DISP2: variants seen among roughly 807,000 people sequenced by gnomAD.
The protein encoded by DISP2 is dispatched RND transporter family member 2.
DISP2 carries 59 observed loss-of-function variants against 95.5 expected under a neutral mutation model. The observed-to-expected ratio is 0.62, with a 90% confidence interval of 0.50 to 0.77. The LOEUF is 0.77. Among genes scored for constraint, DISP2 ranks in the 30% least tolerant of loss-of-function variants. The pLI is 0.00. For missense variants in DISP2, 1,752 were observed against 1,854.6 expected (o/e 0.94, Z 1.02); for synonymous variants, 827 against 815.0 (o/e 1.01, Z -0.25).
Position 40,370,780 on chromosome 15 carries a change from C to G in DISP2, c.*462C>G, listed in dbSNP as rs1048393486. ...ACAGCCTCCTGGGTCTCACCCCTTTCATGGGCTCTTCATCAGGACACTTCC... is the reference window on the plus strand; with the variant it reads ...ACAGCCTCCTGGGTCTCACCCCTTTGATGGGCTCTTCATCAGGACACTTCC... On this transcript the variant is annotated 3_prime_UTR_variant, in exon 8 of 8. Transcript: ENST00000267889. The G allele has an allele frequency of 5.1e-6, 2 of 394,980 alleles. No homozygotes were observed. Among genetic ancestry groups the G allele is most frequent in the Non-Finnish European group, 1.0e-5 (2 of 196,026 alleles). The allele number at this position is 394,980 out of a possible 1,614,324, so 24.5% of individuals were successfully genotyped here. A position where few individuals can be genotyped will look rare whatever the true frequency, so the allele number is the denominator to read the frequency against.
chr15:40,370,331 G>A lies in DISP2; in HGVS notation c.*13G>A, dbSNP rs778360055. 1 of 1,519,686 alleles carries A rather than the reference G, an allele frequency of 6.6e-7. No individual in the cohort carries two copies. Among genetic ancestry groups the A allele is most frequent in the Admixed American group, 2.1e-5 (1 of 46,788 alleles). 94.1% of individuals were successfully genotyped at this position (1,519,686 alleles called of 1,614,324 possible). ...CTATAGCAGCTGAGGGGGACCCGGG[G>A]AGGCTGGACAGGGCGCGGAACCCTG... On this transcript the variant is annotated 3_prime_UTR_variant, in exon 8 of 8. Coordinates refer to ENST00000267889, the MANE Select transcript of DISP2 (RefSeq NM_033510.3).
Position 40,369,218 on chromosome 15 carries a change from T to C in DISP2, c.3106T>C (p.Tyr1036His). The C allele has an allele frequency of 6.2e-7, 1 of 1,613,940 alleles. No individual in the cohort carries two copies. The highest frequency in any genetic ancestry group is 8.5e-7 in the Non-Finnish European group (1 of 1,180,032). Residue 1036 changes from tyrosine (Y) to histidine (H), a missense_variant, in exon 8 of 8, where the codon TAC becomes CAC. This residue lies in a region of DISP2 where 317 missense variants were observed against 394.9 expected (regional missense o/e 0.80). Coordinates refer to ENST00000267889, the MANE Select transcript of DISP2 (RefSeq NM_033510.3). ...CCTCTCAGTAGACTTCACTGTCAACTACTGCATCTCCTATCACCTGTGCCC... is the reference window on the plus strand; with the variant it reads ...CCTCTCAGTAGACTTCACTGTCAACCACTGCATCTCCTATCACCTGTGCCC... ...VGLSVDFTVN[Y>H]CISYHLCPHP...
Position 40,367,801 on chromosome 15 carries a change from C to T in DISP2, c.1689C>T (p.Phe563=). Residue 563 remains phenylalanine (F), a synonymous_variant, in exon 8 of 8, where the codon TTC becomes TTT. Transcript: ENST00000267889. ...SVCANHTLIF[F]DLWRLSKSQL... is the part of the protein sequence containing the mutation. ...GCGCCAACCACACGCTCATCTTCTT[C>T]GACCTGTGGCGCCTTAGCAAGAGCC... 1 of 1,606,152 alleles carries T rather than the reference C, an allele frequency of 6.2e-7. No individual in the cohort carries two copies. The highest frequency in any genetic ancestry group is 1.1e-5 in the South Asian group (1 of 91,084).
intron 7 of DISP2, among the ~76,000 whole-genome samples, chr15:40,366,379 A>T (rs1322921314): frequency 6.6e-6 from 1 of 152,218 alleles, no homozygotes; most frequent in East Asian, 1.9e-4. Context: ...GTGACAGTTA[A>T]ATGAGATAGA....
rs763699203 is a variant in DISP2, at chr15:40,363,861, C to A, written c.356C>A (p.Ser119Tyr). Reference protein sequence around the residue: ...PGLGDRAALCSHGSSLSPSPA... With the variant: ...PGLGDRAALCYHGSSLSPSPA... Reference sequence around the variant, plus strand: ...CTTGGGGATCGGGCAGCTCTCTGCTCCCACGGCTCCAGCCTCAGCCCTTCT... The same window carrying A: ...CTTGGGGATCGGGCAGCTCTCTGCTACCACGGCTCCAGCCTCAGCCCTTCT... Residue 119 changes from serine to tyrosine, a missense_variant, in exon 2 of 8, where the codon TCC becomes TAC. Around this residue, in one of 5 missense-constraint regions of DISP2, gnomAD observed 342 missense variants for 364.3 expected, o/e 0.94. Coordinates refer to ENST00000267889, the MANE Select transcript of DISP2 (RefSeq NM_033510.3). 4 of 1,606,392 alleles carry A rather than the reference C, an allele frequency of 2.5e-6. No homozygotes were observed.
chr15:40,364,747 C>T (rs1242756758), intron 4 of DISP2, 91 bp from the exon 5 acceptor site: 2 of 1,431,626 alleles, frequency 1.4e-6, no homozygotes, highest in Non-Finnish European at 1.9e-6. Flanking sequence ...GCCTTCCCTG[C>T]TCTGAGGAGT....
Position 40,368,277 on chromosome 15 carries a change from G to C in DISP2, c.2165G>C (p.Gly722Ala). 6.2e-7 allele frequency: 1 copy of C among 1,608,362 alleles called. No individual in the cohort carries two copies. Among genetic ancestry groups the C allele is most frequent in the East Asian group, 2.2e-5 (1 of 44,770 alleles). The part of the protein sequence containing the change: ...ALAAGGAYIA[G>A]VSPRLRLPTL... Reference sequence around the variant, plus strand: ...GCGGCAGGGGGCGCCTACATCGCCGGAGTCAGCCCCCGCCTGCGGCTGCCC... The same window carrying C: ...GCGGCAGGGGGCGCCTACATCGCCGCAGTCAGCCCCCGCCTGCGGCTGCCC... Residue 722 changes from glycine (G) to alanine (A), a missense_variant, in exon 8 of 8, where the codon GGA becomes GCA. Gly to Ala is a moderately conservative substitution (Grantham distance 60). This residue lies in a region of DISP2 where 732 missense variants were observed against 714.6 expected (regional missense o/e 1.02). Transcript: ENST00000267889.
Position 40,370,480 on chromosome 15 carries a change from C to A in DISP2, c.*162C>A, listed in dbSNP as rs532767151. The A allele has an allele frequency of 7.4e-6, 9 of 1,216,072 alleles. No individual in the cohort carries two copies. Among genetic ancestry groups the A allele is most frequent in the Non-Finnish European group, 1.0e-5 (9 of 875,550 alleles). The allele number at this position is 1,216,072 out of a possible 1,614,324, so 75.3% of individuals were successfully genotyped here. On this transcript the variant is annotated 3_prime_UTR_variant, in exon 8 of 8. Coordinates refer to ENST00000267889, the MANE Select transcript of DISP2 (RefSeq NM_033510.3). The stretch of plus-strand genomic sequence containing the variant: ...CCCTGCCAGATGTCCCAGCCTTGAT[C>A]TGTCTGCTCCTACTCCTCACATCTG...
chr15:40,371,981 A>T lies in DISP2; in HGVS notation c.*1663A>T, dbSNP rs1255569866. 1 of 152,148 alleles carries T rather than the reference A, an allele frequency of 6.6e-6. No individual in the cohort carries two copies. Among genetic ancestry groups the T allele is most frequent in the Non-Finnish European group, 1.5e-5 (1 of 68,028 alleles). The allele number at this position is 152,148 out of a possible 1,614,324, so 9.4% of individuals were successfully genotyped here. A position where few individuals can be genotyped will look rare whatever the true frequency, so the allele number is the denominator to read the frequency against. On this transcript the variant is annotated 3_prime_UTR_variant, in exon 8 of 8. Transcript: ENST00000267889. ...AGAAAGGCTTTCTGGAGGAGGAAAA[A>T]CTTGAGCTGGGCTTCAGAAGACCAA...
chr15:40,375,168 T>A lies in DISP2; in HGVS notation c.*4850T>A, dbSNP rs940093275. On this transcript the variant is annotated 3_prime_UTR_variant, in exon 8 of 8. Transcript: ENST00000267889. ...GAAACAAAAGAAAGCCACTATGTGC[T>A]ATGTAAATGTCTGGCCATCCAAAGC... is the stretch of plus-strand genomic sequence containing the variant. 2.0e-5 allele frequency: 3 copies of A among 152,240 alleles called. No individual in the cohort carries two copies. Among genetic ancestry groups the A allele is most frequent in the African/African-American group, 7.2e-5 (3 of 41,466 alleles). 9.4% of individuals were successfully genotyped at this position (152,240 alleles called of 1,614,324 possible).
In DISP2 at chr15:40,367,483, C is replaced by A; in HGVS notation, c.1371C>A (p.Ala457=). ...SLMDIYLDRL[A]TPWGLADNYT... is the part of the protein sequence containing the mutation. ...TGGACATCTACCTGGACCGGCTGGCCACCCCCTGGGGGCTTGCTGACAACT... is the reference window on the plus strand; with the variant it reads ...TGGACATCTACCTGGACCGGCTGGCAACCCCCTGGGGGCTTGCTGACAACT... The change falls in exon 8 of 8, where the codon GCC becomes GCA. Residue 457 remains alanine (A), a synonymous_variant. Transcript: ENST00000267889. 6.2e-7 allele frequency: 1 copy of A among 1,613,770 alleles called. No individual in the cohort carries two copies. The highest frequency in any genetic ancestry group is 8.5e-7 in the Non-Finnish European group (1 of 1,179,984).
chr15:40,363,996 T>C, intron 2 of DISP2, 42 bp downstream of exon 2: 1 of 1,512,520 alleles, frequency 6.6e-7, no homozygotes, highest in South Asian at 1.3e-5. Context: ...CACTGGAAAA[T>C]GCGGTGGGGC....
At chr15:40,366,087 T>C (rs963992215) in intron 7 of DISP2, among the ~76,000 whole-genome samples, 1 of 152,238 alleles carries the variant, frequency 6.6e-6, no homozygotes, top group Non-Finnish European at 1.5e-5. Context: ...AATCCAGTTA[T>C]GCTAACTGGA....
In DISP2 at chr15:40,368,086, C is replaced by A. The variant is rs1889541573; in HGVS notation, c.1974C>A (p.Gly658=). The change falls in exon 8 of 8, where the codon GGC becomes GGA. Residue 658 remains glycine, a synonymous_variant. Transcript: ENST00000267889. The part of the protein sequence containing the change: ...LARGCARRAR[G]RWEGSAPRRL... ...GCGGCTGTGCGCGCCGGGCGCGGGG[C>A]CGGTGGGAGGGCAGCGCGCCCCGGC... The A allele has an allele frequency of 5.1e-6, 7 of 1,384,712 alleles. No individual in the cohort carries two copies. In the African/African-American group the frequency reaches 7.6e-5, roughly 15 times the overall value. 85.8% of individuals were successfully genotyped at this position (1,384,712 alleles called of 1,614,324 possible).
chr15:40,374,017 A>ATATATATC lies in DISP2; in HGVS notation c.*3706_*3707insCTATATAT. The ATATATATC allele has an allele frequency of 7.7e-6, 1 of 130,392 alleles. No individual in the cohort carries two copies. The highest frequency in any genetic ancestry group is 2.8e-5 in the African/African-American group (1 of 35,576). 8.1% of individuals were successfully genotyped at this position (130,392 alleles called of 1,614,324 possible). Reference sequence around the variant, plus strand: ...AGACTCCATCTTAAAAAAAAAAAATATATATATATATATATGTAAACTTGA... The same window carrying ATATATATC: ...AGACTCCATCTTAAAAAAAAAAAATATATATATCTATATATATATATATGTAAACTTGA... On this transcript the variant is annotated 3_prime_UTR_variant, in exon 8 of 8. Transcript: ENST00000267889.
At chr15:40,362,948 C>G (rs1889427834) in intron 1 of DISP2, among the ~76,000 whole-genome samples, 1 of 152,196 alleles carries the variant, frequency 6.6e-6, no homozygotes, top group Non-Finnish European at 1.5e-5. Flanking sequence ...TCATCTGTCA[C>G]TGAACCTGTT....
chr15:40,359,113 G>A (rs1409941742), intron 1 of DISP2, among the ~76,000 whole-genome samples: 1 of 152,170 alleles, frequency 6.6e-6, no homozygotes, highest in African/African-American at 2.4e-5. Context: ...TGAGGGCCCA[G>A]ATCTCAGCAC....
Position 40,369,770 on chromosome 15 carries a change from G to T in DISP2, c.3658G>T (p.Asp1220Tyr). 6.2e-7 allele frequency: 1 copy of T among 1,605,820 alleles called. No homozygotes were observed. The change falls in exon 8 of 8, where the codon GAC (aspartate) becomes TAC (tyrosine). Residue 1220 changes from aspartate to tyrosine, a missense_variant. Coordinates refer to ENST00000267889, the MANE Select transcript of DISP2 (RefSeq NM_033510.3). ...APASPRELLL[D>Y]HQAVFSQCPA... ...TGCCTCCCCAAGGGAGCTGCTGCTG[G>T]ACCACCAGGCAGTCTTCAGCCAGTG... is the stretch of plus-strand genomic sequence containing the variant.
Position 40,369,674 on chromosome 15 carries a change from C to T in DISP2, c.3562C>T (p.Arg1188Trp), listed in dbSNP as rs943253699. ...TSTATSKLSHRPSVLSEDLQL... is the reference protein window; with the variant it reads ...TSTATSKLSHWPSVLSEDLQL... ...CACAGCCACCAGCAAGCTGTCCCAC[C>T]GGCCCTCAGTACTCTCTGAGGATCT... The change falls in exon 8 of 8, where the codon CGG (arginine) becomes TGG (tryptophan). Residue 1188 changes from arginine to tryptophan, a missense_variant. Physicochemically the swap from Arg to Trp is moderately radical, Grantham distance 101 (BLOSUM62 -3). Coordinates refer to ENST00000267889, the MANE Select transcript of DISP2 (RefSeq NM_033510.3). 6 of 1,611,952 alleles carry T rather than the reference C, an allele frequency of 3.7e-6. No individual in the cohort carries two copies. Among genetic ancestry groups the T allele is most frequent in the Middle Eastern group, 1.6e-4 (1 of 6,084 alleles).
Sources: gnomAD v4.1 joint callset for allele counts (sites outside exome capture counted in the v4.1 genomes callset) on GRCh38, gnomAD v4.1.1 for gene constraint, gnomAD v4.1.1 regional missense constraint, MANE v1.5 for transcripts, NCBI Gene and HGNC (gene_info 2026-07-23, HGNC 2026-07-21) for gene names.